ISOC1: variants seen among roughly 807,000 people sequenced by gnomAD.
ISOC1 encodes isochorismatase domain-containing protein 1.
A neutral mutation model predicts 30.0 loss-of-function variants in ISOC1; 33 were observed. That is an observed-to-expected ratio of 1.10 (90% confidence interval 0.83 to 1.47). ISOC1 has a LOEUF of 1.47. ISOC1 is among the 40% of genes most tolerant of loss of function. ISOC1 has a pLI of 0.00. For synonymous variants in ISOC1, 178 were observed against 159.8 expected, an observed-to-expected ratio of 1.11 and a Z score of -0.86; for missense variants, 372 against 388.0, an observed-to-expected ratio of 0.96 and a Z score of 0.35.
chr5:129,107,604 TATA>T (rs60881869), intron 4 of ISOC1, among the ~76,000 whole-genome samples: 4,832 of 152,256 alleles, frequency 0.032, 129 homozygotes, highest in African/African-American at 0.073. Context: ...TATTGGGTAT[TATA>T]AGTAATATAG....
At chr5:129,100,377 G>A (rs1753555432) in intron 1 of ISOC1, among the ~76,000 whole-genome samples, 1 of 152,010 alleles carries the variant, frequency 6.6e-6, no homozygotes, top group Non-Finnish European at 1.5e-5. Context: ...TCTTGCTTGA[G>A]GAAGCCATTG....
At chr5:129,099,813 A>T (rs1753548704) in intron 1 of ISOC1, among the ~76,000 whole-genome samples, 1 of 152,224 alleles carries the variant, frequency 6.6e-6, no homozygotes, top group Non-Finnish European at 1.5e-5. Context: ...TTGATTGATT[A>T]TATGAAGCCC....
rs753663767 is a variant in ISOC1 at position 129,105,224 on chromosome 5, A to G, written c.469A>G (p.Thr157Ala). Residue 157 changes from threonine to alanine, a missense_variant, in exon 3 of 5, where the codon ACA (threonine) becomes GCA (alanine). Coordinates refer to ENST00000173527, the MANE Select transcript of ISOC1 (RefSeq NM_016048.2). ...ARILGIPVIV[T>A]EQYPKGLGST... is the part of the protein sequence containing the mutation. ...GATTTTAGGAATTCCTGTTATTGTA[A>G]CAGAACAATACCCTAAAGGTCTTGG... The G allele has an allele frequency of 3.1e-6, 5 of 1,613,678 alleles. No homozygotes were observed. The highest frequency in any genetic ancestry group is 2.2e-5 in the East Asian group (1 of 44,858).
chr5:129,110,167 A>G (rs952958595), intron 4 of ISOC1, among the ~76,000 whole-genome samples: 11 of 152,086 alleles, frequency 7.2e-5, no homozygotes, highest in African/African-American at 2.4e-4. Context: ...CTTAGTGCAC[A>G]TGCATTTTTT....
At chr5:129,101,813 T>C (rs767279133) in intron 1 of ISOC1, among the ~76,000 whole-genome samples, 6 of 152,218 alleles carry the variant, frequency 3.9e-5, no homozygotes, top group Non-Finnish European at 7.3e-5. Flanking sequence ...CTTGTCTCCT[T>C]TGGCTCCTCT....
intron 1 of ISOC1, among the ~76,000 whole-genome samples, chr5:129,101,245 C>T (rs1179745775): frequency 7.1e-6 from 1 of 141,706 alleles, no homozygotes; most frequent in Non-Finnish European, 1.5e-5. Flanking sequence ...CCTGTAATCC[C>T]AGCACTTTGG....
rs1345934287 is a variant in ISOC1 at position 129,106,974 on chromosome 5, T to A, written c.662T>A (p.Leu221Gln). The change falls in exon 4 of 5, where the codon CTG becomes CAG. Residue 221 changes from leucine (L) to glutamine (Q), a missense_variant. Transcript: ENST00000173527. ...CATGTGTGCATCCAACAAACTGCCC[T>A]GGAGCTAGTTGGCCGAGGAGTCGAG... ...ETHVCIQQTA[L>Q]ELVGRGVEVH... The A allele has an allele frequency of 1.9e-6, 3 of 1,613,682 alleles. No homozygotes were observed. Among genetic ancestry groups the A allele is most frequent in the East Asian group, 4.5e-5 (2 of 44,870 alleles).
chr5:129,110,585 A>G (rs1753693188), intron 4 of ISOC1, among the ~76,000 whole-genome samples: 1 of 152,158 alleles, frequency 6.6e-6, no homozygotes, highest in Admixed American at 6.5e-5. Flanking sequence ...GCAAAGTGAT[A>G]GTGTATGGGT....
chr5:129,101,197 A>ATG (rs1395587121), intron 1 of ISOC1, among the ~76,000 whole-genome samples: 6 of 128,234 alleles, frequency 4.7e-5, no homozygotes, highest in Non-Finnish European at 8.0e-5. Context: ...AAAAAAATAT[A>ATG]TATATATATA....
rs763608141 is a variant in ISOC1 at position 129,113,045 on chromosome 5, C to G, written c.*44C>G. 6 of 1,562,776 alleles carry G rather than the reference C, an allele frequency of 3.8e-6. No homozygotes were observed. Among genetic ancestry groups the G allele is most frequent in the Admixed American group, 1.8e-5 (1 of 54,812 alleles). On this transcript the variant is annotated 3_prime_UTR_variant, in exon 5 of 5. Transcript: ENST00000173527. ...ATGCTACTCACTGGTGAAGGACAGT[C>G]AGGTGAAGGACTGTAAGCCCACACA...
At chr5:129,102,369 G>A (rs1753582931) in intron 1 of ISOC1, among the ~76,000 whole-genome samples, 1 of 152,068 alleles carries the variant, frequency 6.6e-6, no homozygotes, top group Admixed American at 6.6e-5. Context: ...GATTTCCCAG[G>A]GCAGTGAGGA....
In ISOC1 at chr5:129,104,963, C is replaced by T. The variant is rs746726186; in HGVS notation, c.317C>T (p.Thr106Ile). ...RLVPLQIQLT[T>I]LGNLTPSSTV... ...TTTTTCTTTTTTCCTCAGCTCACTA[C>T]CCTGGGAAATCTTACACCTTCAAGC... The change falls in exon 2 of 5, where the codon ACC becomes ATC. Residue 106 changes from threonine (T) to isoleucine (I), a missense_variant. Transcript: ENST00000173527. The T allele has an allele frequency of 6.2e-7, 1 of 1,613,234 alleles. No homozygotes were observed. The highest frequency in any genetic ancestry group is 8.5e-7 in the Non-Finnish European group (1 of 1,179,658).
intron 1 of ISOC1, among the ~76,000 whole-genome samples, chr5:129,099,346 G>A (rs1753544861): frequency 6.6e-6 from 1 of 152,160 alleles, no homozygotes; most frequent in Admixed American, 6.5e-5. Flanking sequence ...CACCCCTGGG[G>A]TGGGTGGAGA....
At chr5:129,100,077 A>G (rs17163707) in intron 1 of ISOC1, among the ~76,000 whole-genome samples, 15,784 of 151,768 alleles carry the variant, frequency 0.1, 964 homozygotes, top group South Asian at 0.18. Context: ...AGCTGTGGTC[A>G]TCGGATTTCC....
At chr5:129,104,141 T>TA (rs1753604987) in intron 1 of ISOC1, among the ~76,000 whole-genome samples, 1 of 152,170 alleles carries the variant, frequency 6.6e-6, no homozygotes, top group Admixed American at 6.5e-5. Context: ...AGATGTCAAA[T>TA]ATAGGTCTCT....
chr5:129,096,517 G>A (rs950242666), intron 1 of ISOC1, among the ~76,000 whole-genome samples: 1 of 152,192 alleles, frequency 6.6e-6, no homozygotes, highest in Non-Finnish European at 1.5e-5. Flanking sequence ...ACCTGGAACT[G>A]GATACAGTGA....
At chr5:129,110,705 A>G (rs547721119) in intron 4 of ISOC1, among the ~76,000 whole-genome samples, 90 of 152,208 alleles carry the variant, frequency 5.9e-4, no homozygotes, top group Non-Finnish European at 1.0e-3. Context: ...TCAGTAGAGC[A>G]CTAGGGAGTG....
At chr5:129,098,429 T>C (rs1367793411) in intron 1 of ISOC1, among the ~76,000 whole-genome samples, 2 of 152,212 alleles carry the variant, frequency 1.3e-5, no homozygotes, top group African/African-American at 4.8e-5. Flanking sequence ...GGAAAGAATA[T>C]AAATGAGAGG....
chr5:129,099,926 G>A (rs376782825), intron 1 of ISOC1, among the ~76,000 whole-genome samples: 13 of 152,244 alleles, frequency 8.5e-5, no homozygotes, highest in Admixed American at 4.6e-4. Flanking sequence ...TCATGTAATC[G>A]AAATTAGTGA....
Sources: gnomAD v4.1 joint callset for allele counts (sites outside exome capture counted in the v4.1 genomes callset) on GRCh38, gnomAD v4.1.1 for gene constraint, MANE v1.5 for transcripts, NCBI Gene and HGNC (gene_info 2026-07-23, HGNC 2026-07-21) for gene names.